Variants in TANK observed in about 807,000 individuals in gnomAD.
TANK encodes the protein TRAF family member-associated NF-kappa-B activator.
A neutral mutation model predicts 43.6 loss-of-function variants in TANK; 15 were observed. The observed-to-expected ratio is 0.34, with a 90% CI of 0.23 to 0.53. The LOEUF (loss-of-function observed/expected upper bound fraction) is 0.53, where lower values mean the gene tolerates loss of function less well. Ranked by LOEUF, TANK falls within the 20% of genes least tolerant of loss-of-function variation. The probability of loss-of-function intolerance (pLI) is 0.94; values close to 1 mark genes in which losing one functional copy is unlikely to be tolerated. For synonymous variants in TANK, 162 were observed against 178.2 expected (o/e 0.91, Z 0.73); for missense variants, 417 against 498.6 (o/e 0.84, Z 1.56).
At chr2:161,228,523 G>A (rs1041484708) in intron 6 of TANK, among the ~76,000 whole-genome samples, 7 of 152,064 alleles carry the variant, frequency 4.6e-5, no homozygotes, top group Admixed American at 2.0e-4. Context: ...CAACAAGAGC[G>A]AAGCTCGGTC....
rs990758616 is a variant in TANK, at chr2:161,185,994, A to G, written c.99+6233A>G. 2.0e-5 allele frequency among the ~76,000 whole-genome samples: 3 copies of G among 152,300 alleles called. No homozygotes were observed. The East Asian group carries it at 5.8e-4, about 29-fold the overall frequency. On this transcript the variant is annotated intron_variant, in intron 2 of 7. Transcript: ENST00000392749. Reference sequence around the variant, plus strand: ...TCAAAATTTTTCAGTGATTTCTATAAAATAAAAGCCAAAATTATGAACAAA... The same window carrying G: ...TCAAAATTTTTCAGTGATTTCTATAGAATAAAAGCCAAAATTATGAACAAA...
intron 1 of TANK, among the ~76,000 whole-genome samples, chr2:161,179,174 C>T (rs1685307741): frequency 6.6e-6 from 1 of 152,094 alleles, no homozygotes; most frequent in Non-Finnish European, 1.5e-5. Context: ...CATCCACAAA[C>T]ATTTATTATC....
chr2:161,233,216 T>A (rs1218502078), intron 7 of TANK, among the ~76,000 whole-genome samples: 2 of 152,074 alleles, frequency 1.3e-5, no homozygotes, highest in Non-Finnish European at 2.9e-5. Flanking sequence ...AGACCTTGTC[T>A]CTACAAATAC....
intron 1 of TANK, chr2:161,179,375 A>G: frequency 2.5e-6 from 1 of 393,326 alleles, no homozygotes; most frequent in Non-Finnish European, 4.5e-6. Flanking sequence ...TTCTCAAAGT[A>G]GCATCTTCCT....
At chr2:161,167,894 G>A (rs1045589553) in intron 1 of TANK, among the ~76,000 whole-genome samples, 3 of 152,092 alleles carry the variant, frequency 2.0e-5, no homozygotes, top group Non-Finnish European at 4.4e-5. Flanking sequence ...AGAGTGCTGG[G>A]ATTACAAGTG....
chr2:161,196,039 C>A (rs1216944081), intron 2 of TANK, among the ~76,000 whole-genome samples: 1 of 152,060 alleles, frequency 6.6e-6, no homozygotes, highest in African/African-American at 2.4e-5. Flanking sequence ...GAGCCTAGAT[C>A]ACGCTGCTGC....
rs577905040 is a variant in TANK, at chr2:161,228,896, G to T, written c.521-2075G>T. Among the ~76,000 whole-genome samples the T allele has an allele frequency of 6.6e-5, 10 of 152,310 alleles. No homozygotes were observed. In the South Asian group the frequency reaches 1.9e-3, roughly 28 times the overall value. On this transcript the variant is annotated intron_variant, in intron 6 of 7. Coordinates refer to ENST00000392749, the MANE Select transcript of TANK (RefSeq NM_001199135.3). ...CATGTTGTATAGGTTTGTAGCCTAAGAACAATAGGCTATACCATATAATGT... is the reference window on the plus strand; with the variant it reads ...CATGTTGTATAGGTTTGTAGCCTAATAACAATAGGCTATACCATATAATGT...
chr2:161,138,020 T>G (rs1456438049), intron 1 of TANK: 1 of 622,804 alleles, frequency 1.6e-6, no homozygotes, highest in Non-Finnish European at 2.0e-6. Flanking sequence ...TCTCATCTCA[T>G]AAAAAGCACA....
At chr2:161,186,782 G>T (rs878921272) in intron 2 of TANK, among the ~76,000 whole-genome samples, 1 of 152,096 alleles carries the variant, frequency 6.6e-6, no homozygotes, top group Non-Finnish European at 1.5e-5. Context: ...ACTGACAAGG[G>T]ATTAATAAGC....
intron 1 of TANK, among the ~76,000 whole-genome samples, chr2:161,172,239 T>C (rs1684971490): frequency 6.6e-6 from 1 of 152,206 alleles, no homozygotes; most frequent in African/African-American, 2.4e-5. Flanking sequence ...GGGCCTGTCC[T>C]CTTTTTTGGT....
intron 1 of TANK, among the ~76,000 whole-genome samples, chr2:161,143,335 C>T (rs1683807314): frequency 1.3e-5 from 2 of 152,042 alleles, no homozygotes; most frequent in South Asian, 4.1e-4. Flanking sequence ...GCCTGATTGC[C>T]CTGGCCAGAA....
chr2:161,210,525 C>T (rs545277643), intron 4 of TANK, among the ~76,000 whole-genome samples: 3 of 151,868 alleles, frequency 2.0e-5, no homozygotes, highest in East Asian at 3.9e-4. Flanking sequence ...AATGAAACCC[C>T]GTCTCTACTA....
At chr2:161,209,720 C>T (rs1686796303) in intron 4 of TANK, among the ~76,000 whole-genome samples, 2 of 152,020 alleles carry the variant, frequency 1.3e-5, no homozygotes, top group Non-Finnish European at 2.9e-5. Context: ...ATATAGAAGA[C>T]AAAAAATTTG....
intron 2 of TANK, chr2:161,202,889 T>TGGATTAA (rs1686484916): frequency 2.1e-6 from 1 of 467,510 alleles, no homozygotes; most frequent in Non-Finnish European, 4.4e-6. Flanking sequence ...GCAAAATTAA[T>TGGATTAA]GGATTAACAA....
At chr2:161,176,086 GAGATTT>G (rs1685162183) in intron 1 of TANK, among the ~76,000 whole-genome samples, 3 of 152,132 alleles carry the variant, frequency 2.0e-5, no homozygotes, top group Admixed American at 2.0e-4. Context: ...GCTTAACCAT[GAGATTT>G]AGGTTTGAGC....
At chr2:161,188,921 C>T in intron 2 of TANK, among the ~76,000 whole-genome samples, 1 of 152,212 alleles carries the variant, frequency 6.6e-6, no homozygotes, top group East Asian at 1.9e-4. Flanking sequence ...GCTGCCCTTT[C>T]TCTTTGCTCT....
At chr2:161,148,462 C>A (rs979979166) in intron 1 of TANK, among the ~76,000 whole-genome samples, 3 of 152,114 alleles carry the variant, frequency 2.0e-5, no homozygotes, top group African/African-American at 7.2e-5. Context: ...AATATTTTCT[C>A]CTTTTCTATA....
chr2:161,216,440 G>A (rs1314040066), intron 4 of TANK: 8 of 468,728 alleles, frequency 1.7e-5, no homozygotes, highest in African/African-American at 1.6e-4. Flanking sequence ...CTTATCCTGA[G>A]CCGTAAGCAT....
At chr2:161,225,618 C>G (rs1469670236) in intron 6 of TANK, among the ~76,000 whole-genome samples, 2 of 152,120 alleles carry the variant, frequency 1.3e-5, no homozygotes, top group Non-Finnish European at 2.9e-5. Context: ...GGAAGGTAAA[C>G]TGATCATTTA....
Sources: gnomAD v4.1 joint callset for allele counts (sites outside exome capture counted in the v4.1 genomes callset) on GRCh38, gnomAD v4.1.1 for gene constraint, MANE v1.5 for transcripts, NCBI Gene and HGNC (gene_info 2026-07-23, HGNC 2026-07-21) for gene names.